The following PSMC5 variants were observed in gnomAD, a reference collection of about 807,000 sequenced individuals.
PSMC5 encodes the protein proteasome 26S subunit, ATPase 5.
In PSMC5, 11 loss-of-function variants were observed where a neutral mutation model predicts 49.1. The observed-to-expected ratio is 0.22, with a 90% CI of 0.14 to 0.37. The LOEUF is 0.37. PSMC5 is among the 10% of genes least tolerant of loss of function. PSMC5 has a pLI of 1.00. For missense variants in PSMC5, 229 were observed against 520.9 expected (o/e 0.44, Z 5.45); for synonymous variants, 206 against 192.2 (o/e 1.07, Z -0.59).
chr17:63,827,721 A>G, intron 1 of PSMC5: 1 of 1,437,228 alleles, frequency 7.0e-7, no homozygotes, highest in African/African-American at 1.4e-5. Context: ...AAGACGCGGT[A>G]GAAGCGGAGT....
chr17:63,829,211 A>G (rs2040150488), intron 2 of PSMC5: 2 of 344,224 alleles, frequency 5.8e-6, no homozygotes, highest in South Asian at 7.1e-5. Flanking sequence ...TCCTGCAAGA[A>G]ATTTGGTGTT....
intron 2 of PSMC5, chr17:63,828,826 C>T (rs1294297445): frequency 6.5e-6 from 1 of 154,162 alleles, no homozygotes; most frequent in Non-Finnish European, 1.4e-5. Context: ...TATACTGTTA[C>T]GGTAGGCTGT....
Position 63,831,586 on chromosome 17 carries a change from C to T in PSMC5, c.1050C>T (p.Leu350=), listed in dbSNP as rs995268032. 8 of 1,614,092 alleles carry T rather than the reference C, an allele frequency of 5.0e-6. No individual in the cohort carries two copies. Among genetic ancestry groups the T allele is most frequent in the Non-Finnish European group, 6.8e-6 (8 of 1,180,016 alleles). The change falls in exon 10 of 12, where the codon CTC becomes CTT. Residue 350 remains leucine (L), a synonymous_variant. Coordinates refer to ENST00000310144, the MANE Select transcript of PSMC5 (RefSeq NM_002805.6). This position sits in a 1 kb window ranked among gnomAD's most constrained non-coding sequence, Gnocchi z 6.3. ...RGINLRKIAE[L]MPGASGAEVK... The stretch of plus-strand genomic sequence containing the variant: ...TCAACCTGAGAAAAATTGCTGAGCT[C>T]ATGCCAGGAGCATCAGGGGCTGAAG...
chr17:63,829,407 A>T (rs2040153528), intron 2 of PSMC5, 87 bp from the exon 3 acceptor site: 1 of 1,235,510 alleles, frequency 8.1e-7, no homozygotes, highest in South Asian at 1.3e-5. Flanking sequence ...CCCTCAGCTC[A>T]TTCAGACCTG....
Position 63,830,638 on chromosome 17 carries a change from C to A in PSMC5, c.552+137C>A. The A allele has an allele frequency of 1.4e-6, 2 of 1,476,140 alleles. No homozygotes were observed. Among genetic ancestry groups the A allele is most frequent in the African/African-American group, 1.4e-5 (1 of 71,192 alleles). The allele number at this position is 1,476,140 out of a possible 1,614,324, so 91.4% of individuals were successfully genotyped here. A position where few individuals can be genotyped will look rare whatever the true frequency, so the allele number is the denominator to read the frequency against. ...CTGGCCCTCCCCCTGAAAAGAGTGG[C>A]TGGGGAAGTGTTCCTAGGGCGGTGA... On this transcript the variant is annotated intron_variant, in intron 6 of 11. Transcript: ENST00000310144. This position sits in a 1 kb window ranked among gnomAD's most constrained non-coding sequence, Gnocchi z 4.0.
Position 63,830,695 on chromosome 17 carries a change from CTTT to C in PSMC5, c.553-104_553-102del, listed in dbSNP as rs55833669. On this transcript the variant is annotated intron_variant, in intron 6 of 11. Transcript: ENST00000310144. This position sits in a 1 kb window ranked among gnomAD's most constrained non-coding sequence, Gnocchi z 4.0. ...TTGGATAGAAGGGACCTTGATGTTC[CTTT>C]TTTTTTTTTGTATCCCTAACATCTA... is the stretch of plus-strand genomic sequence containing the variant. The C allele has an allele frequency of 1.9e-4, 230 of 1,238,806 alleles. No individual in the cohort carries two copies. The highest frequency in any genetic ancestry group is 6.2e-4 in the Middle Eastern group (3 of 4,850). 76.7% of individuals were successfully genotyped at this position (1,238,806 alleles called of 1,614,324 possible).
At chr17:63,827,554 T>A (rs1344263591) in intron 1 of PSMC5, 40 bp downstream of exon 1, 1 of 1,550,916 alleles carries the variant, frequency 6.4e-7, no homozygotes, top group Admixed American at 2.0e-5. Flanking sequence ...GTTACGGGGC[T>A]GGGTGCGGAG....
intron 1 of PSMC5, 196 bp from the exon 2 acceptor site, chr17:63,827,942 C>G (rs1300686904): frequency 1.5e-6 from 2 of 1,324,000 alleles, no homozygotes; most frequent in African/African-American, 1.5e-5. Flanking sequence ...CGTTCCCATT[C>G]TTTTATTTTA....
In PSMC5 at chr17:63,828,185, T is replaced by C. The variant is rs372693739; in HGVS notation, c.72T>C (p.Tyr24=). The part of the protein sequence containing the change: ...GKAGSGLRQY[Y]LSKIEELQLI... Reference sequence around the variant, plus strand: ...CAGGCAGCGGACTCCGCCAATATTATCTGTCCAAGATTGAAGAACTCCAGG... The same window carrying C: ...CAGGCAGCGGACTCCGCCAATATTACCTGTCCAAGATTGAAGAACTCCAGG... The change falls in exon 2 of 12, where the codon TAT becomes TAC. Residue 24 remains tyrosine, a synonymous_variant. Transcript: ENST00000310144. 3 of 1,614,128 alleles carry C rather than the reference T, an allele frequency of 1.9e-6. No homozygotes were observed. The South Asian group carries it at 3.3e-5, about 18-fold the overall frequency.
intron 1 of PSMC5, 29 bp downstream of exon 1, chr17:63,827,543 G>A: frequency 6.4e-7 from 1 of 1,551,594 alleles, no homozygotes; most frequent in Non-Finnish European, 8.7e-7. Flanking sequence ...CGGCCCGGCA[G>A]GTTACGGGGC....
At chr17:63,829,625 C>A in intron 3 of PSMC5, 62 bp downstream of exon 3, 1 of 1,479,620 alleles carries the variant, frequency 6.8e-7, no homozygotes, top group Non-Finnish European at 9.2e-7. Context: ...TCCTTATCTC[C>A]CTGCACTGTG....
rs779959139 is a variant in PSMC5 at position 63,831,430 on chromosome 17, G to A, written c.969+5G>A. On this transcript the variant is annotated splice_donor_5th_base_variant and intron_variant, in intron 9 of 11. Coordinates refer to ENST00000310144, the MANE Select transcript of PSMC5 (RefSeq NM_002805.6). The surrounding 1 kb of genome is among the most constrained non-coding windows in gnomAD (Gnocchi z 6.3). ...TTCCCACCCCCCAATGAGGAGGTTT[G>A]TGATGGACACTGTGCAAAGTGGCTC... 2 of 1,613,812 alleles carry A rather than the reference G, an allele frequency of 1.2e-6. No individual in the cohort carries two copies. Among genetic ancestry groups the A allele is most frequent in the Non-Finnish European group, 1.7e-6 (2 of 1,179,786 alleles).
intron 1 of PSMC5, 160 bp downstream of exon 1, chr17:63,827,674 C>A: frequency 6.8e-7 from 1 of 1,471,958 alleles, no homozygotes. Context: ...GCTGTGTCAG[C>A]GCCGCCCTCG....
In PSMC5 at chr17:63,830,555, C is replaced by T; in HGVS notation, c.552+54C>T. The T allele has an allele frequency of 1.9e-6, 3 of 1,593,280 alleles. No homozygotes were observed. Among genetic ancestry groups the T allele is most frequent in the Non-Finnish European group, 2.6e-6 (3 of 1,171,116 alleles). On this transcript the variant is annotated intron_variant, in intron 6 of 11. Transcript: ENST00000310144. The surrounding 1 kb of genome is among the most constrained non-coding windows in gnomAD (Gnocchi z 4.0). ...CAAGCTGTACTTACTCCTCCTGCCC[C>T]AGCCAGCCCTACTGCAGGGGTTGGG...
Position 63,829,585 on chromosome 17 carries a change from G to A in PSMC5, c.166+22G>A, listed in dbSNP as rs191343791. 3.6e-4 allele frequency: 552 copies of A among 1,551,844 alleles called. No homozygotes were observed. In the African/African-American group the frequency reaches 6.7e-3, roughly 19 times the overall value. On this transcript the variant is annotated intron_variant, in intron 3 of 11. Transcript: ENST00000310144. ...AAAGGTGAGTGGAGAAAGATGGGAA[G>A]CCGCATGTGGGCAGTTTGTCTGAGG...
At position 63,829,582 on chromosome 17, in the gene PSMC5, G is replaced by A. The variant is rs1355677574; in HGVS notation, c.166+19G>A. 5 of 1,552,060 alleles carry A rather than the reference G, an allele frequency of 3.2e-6. No individual in the cohort carries two copies. The South Asian group carries it at 3.6e-5, about 11-fold the overall frequency. On this transcript the variant is annotated intron_variant, in intron 3 of 11. Transcript: ENST00000310144. ...GCTAAAGGTGAGTGGAGAAAGATGG[G>A]AAGCCGCATGTGGGCAGTTTGTCTG...
Position 63,830,681 on chromosome 17 carries a change from G to A in PSMC5, c.553-128G>A. On this transcript the variant is annotated intron_variant, in intron 6 of 11. Coordinates refer to ENST00000310144, the MANE Select transcript of PSMC5 (RefSeq NM_002805.6). The surrounding 1 kb of genome is among the most constrained non-coding windows in gnomAD (Gnocchi z 4.0). ...GGCGGTGAGGTGGTTTGGATAGAAGGGACCTTGATGTTCCTTTTTTTTTTT... is the reference window on the plus strand; with the variant it reads ...GGCGGTGAGGTGGTTTGGATAGAAGAGACCTTGATGTTCCTTTTTTTTTTT... 8 of 1,419,328 alleles carry A rather than the reference G, an allele frequency of 5.6e-6. No homozygotes were observed. Among genetic ancestry groups the A allele is most frequent in the Non-Finnish European group, 7.4e-6 (8 of 1,081,464 alleles). The allele number at this position is 1,419,328 out of a possible 1,614,324, so 87.9% of individuals were successfully genotyped here. A position where few individuals can be genotyped will look rare whatever the true frequency, so the allele number is the denominator to read the frequency against.
Position 63,829,863 on chromosome 17 carries a change from C to T in PSMC5, c.178C>T (p.Arg60Trp). ...TGTTTGCCATCTAGTTCGCCTATTGCGGGAGGAGCTACAGCTGCTGCAGGA... is the reference window on the plus strand; with the variant it reads ...TGTTTGCCATCTAGTTCGCCTATTGTGGGAGGAGCTACAGCTGCTGCAGGA... ...NELNAKVRLL[R>W]EELQLLQEQG... The change falls in exon 4 of 12, where the codon CGG (arginine) becomes TGG (tryptophan). Residue 60 changes from arginine to tryptophan, a missense_variant. Arg to Trp is a moderately radical substitution (Grantham distance 101). This residue lies in a region of PSMC5 where 98 missense variants were observed against 144.0 expected (regional missense o/e 0.68). Transcript: ENST00000310144. The T allele has an allele frequency of 6.2e-7, 1 of 1,614,066 alleles. No individual in the cohort carries two copies. The highest frequency in any genetic ancestry group is 8.5e-7 in the Non-Finnish European group (1 of 1,179,998).
intron 1 of PSMC5, 84 bp downstream of exon 1, chr17:63,827,598 A>G (rs2040124892): frequency 3.4e-5 from 52 of 1,550,236 alleles, no homozygotes; most frequent in Non-Finnish European, 4.5e-5. Context: ...GGGCCGGGGC[A>G]GGAGCGTCGG....
Sources: gnomAD v4.1 joint callset for allele counts on GRCh38, gnomAD v4.1.1 for gene constraint, gnomAD v4.1.1 regional missense constraint, Gnocchi (gnomAD v3.1) non-coding constraint, MANE v1.5 for transcripts, NCBI Gene and HGNC (gene_info 2026-07-23, HGNC 2026-07-21) for gene names.